NOXA1: variants seen among roughly 807,000 people sequenced by gnomAD.
The protein encoded by NOXA1 is NADPH oxidase activator 1, also known as NCF2-like protein.
In NOXA1, 56 loss-of-function variants were observed where a neutral mutation model predicts 64.8. The observed-to-expected ratio is 0.86, with a 90% CI of 0.70 to 1.08. The LOEUF (loss-of-function observed/expected upper bound fraction) is 1.08. Ranked by LOEUF, NOXA1 falls within the 50% of genes least tolerant of loss-of-function variation. The pLI, the probability that NOXA1 is intolerant of heterozygous loss-of-function variation, is 0.00. For missense variants in NOXA1, 668 were observed against 658.5 expected, an observed-to-expected ratio of 1.01 and a Z score of -0.16; for synonymous variants, 295 against 294.8, an observed-to-expected ratio of 1.00 and a Z score of -0.01.
intron 3 of NOXA1, 45 bp from the exon 4 acceptor site, chr9:137,428,836 TG>T: frequency 1.3e-6 from 2 of 1,514,676 alleles, no homozygotes; most frequent in Non-Finnish European, 1.8e-6. Context: ...GGAGAGGGCC[TG>T]GGTGGGGCAT....
Position 137,429,287 on chromosome 9 carries a change from A to G in NOXA1, c.516A>G (p.Ser172=). Residue 172 remains serine, a synonymous_variant, in exon 5 of 14, where the codon TCA becomes TCG. Transcript: ENST00000683555. The part of the protein sequence containing the change: ...SALDQVQRRG[S]LPPRQVPRGE... Reference sequence around the variant, plus strand: ...CCCACCCCCTCCAGAGACGGGGCTCACTGCCGCCACGGCAGGTCCCCAGGG... The same window carrying G: ...CCCACCCCCTCCAGAGACGGGGCTCGCTGCCGCCACGGCAGGTCCCCAGGG... 3 of 1,561,214 alleles carry G rather than the reference A, an allele frequency of 1.9e-6. No homozygotes were observed. Among genetic ancestry groups the G allele is most frequent in the Non-Finnish European group, 2.6e-6 (3 of 1,152,700 alleles).
At chr9:137,430,244 G>A (rs1010342562) in intron 5 of NOXA1, among the ~76,000 whole-genome samples, 1 of 152,176 alleles carries the variant, frequency 6.6e-6, no homozygotes, top group African/African-American at 2.4e-5. Context: ...TTGGGTCAGA[G>A]CCAGGCAACA....
chr9:137,433,155 A>G (rs1257750820), intron 9 of NOXA1, 50 bp from the exon 10 acceptor site: 3 of 1,609,002 alleles, frequency 1.9e-6, no homozygotes, highest in Non-Finnish European at 2.5e-6. Context: ...CTCCACCCAC[A>G]GGGCCCACTT....
chr9:137,433,114 G>C, intron 9 of NOXA1, 40 bp downstream of exon 9: 3 of 1,611,982 alleles, frequency 1.9e-6, no homozygotes, highest in Non-Finnish European at 2.5e-6. Context: ...GGGTGAAGGA[G>C]GAAGCTGCTG....
intron 1 of NOXA1, 44 bp from the exon 2 acceptor site, chr9:137,426,204 C>A: frequency 6.5e-7 from 1 of 1,543,632 alleles, no homozygotes; most frequent in Non-Finnish European, 9.0e-7. Flanking sequence ...TGCTGCGTGA[C>A]CAGGTTACAG....
chr9:137,425,342 G>T (rs1482625320), intron 1 of NOXA1, among the ~76,000 whole-genome samples: 1 of 152,170 alleles, frequency 6.6e-6, no homozygotes, highest in African/African-American at 2.4e-5. Flanking sequence ...GATTCTAATA[G>T]ATTTCTAGGG....
intron 5 of NOXA1, 25 bp downstream of exon 5, chr9:137,429,408 G>T: frequency 6.7e-7 from 1 of 1,491,824 alleles, no homozygotes; most frequent in Non-Finnish European, 9.1e-7. Context: ...GGCGTCCTGG[G>T]GCATGGCGGC....
Position 137,433,076 on chromosome 9 carries a change from T to A in NOXA1, c.850+2T>A. Reference sequence around the variant, plus strand: ...GCAAACAGGCTCCTCTCTCCCCAGGTATGGGCGTCCTCAGCGGCGGGGTCC... The same window carrying A: ...GCAAACAGGCTCCTCTCTCCCCAGGAATGGGCGTCCTCAGCGGCGGGGTCC... On this transcript the variant is annotated splice_donor_variant, in intron 9 of 13. Transcript: ENST00000683555. LOFTEE classifies it high-confidence loss of function. The A allele has an allele frequency of 6.2e-7, 1 of 1,612,790 alleles. No individual in the cohort carries two copies. The highest frequency in any genetic ancestry group is 1.1e-5 in the South Asian group (1 of 91,080).
chr9:137,425,789 C>T lies in NOXA1; in HGVS notation c.178-459C>T, dbSNP rs560096933. On this transcript the variant is annotated intron_variant, in intron 1 of 13. Transcript: ENST00000683555. ...CCTGAGGTCAGGAGTTTGAGAATGT[C>T]TTGAACCCAGAGGCGGAGGCAGCAG... Among the ~76,000 whole-genome samples the T allele has an allele frequency of 3.6e-4, 55 of 151,606 alleles. 1 individual carries two copies. The highest frequency in any genetic ancestry group is 1.3e-3 in the African/African-American group (54 of 41,276).
rs758321214 is a variant in NOXA1 at position 137,433,091 on chromosome 9, C to T, written c.850+17C>T. 29 of 1,612,602 alleles carry T rather than the reference C, an allele frequency of 1.8e-5. No individual in the cohort carries two copies. The highest frequency in any genetic ancestry group is 2.0e-5 in the Non-Finnish European group (24 of 1,179,830). On this transcript the variant is annotated intron_variant, in intron 9 of 13. Transcript: ENST00000683555. ...TCTCCCCAGGTATGGGCGTCCTCAGCGGCGGGGTCCCCGGGTGAAGGAGGA... is the reference window on the plus strand; with the variant it reads ...TCTCCCCAGGTATGGGCGTCCTCAGTGGCGGGGTCCCCGGGTGAAGGAGGA...
At chr9:137,430,468 G>C (rs993597410) in intron 5 of NOXA1, among the ~76,000 whole-genome samples, 1 of 152,250 alleles carries the variant, frequency 6.6e-6, no homozygotes, top group Non-Finnish European at 1.5e-5. Context: ...CAGCAGGGGA[G>C]GCCTGGGGTG....
intron 2 of NOXA1, among the ~76,000 whole-genome samples, chr9:137,426,784 A>T (rs1838862744): frequency 6.6e-6 from 1 of 152,210 alleles, no homozygotes; most frequent in Admixed American, 6.5e-5. Flanking sequence ...ATTCTGTAAA[A>T]GATATTTATT....
Position 137,431,169 on chromosome 9 carries a change from C to A in NOXA1, c.699-67C>A, listed in dbSNP as rs1452341165. ...CTGGGCAGAGGCCCTCCACATGGGG[C>A]CACGCGGGCCGGGCACAGGAGGGCA... is the stretch of plus-strand genomic sequence containing the variant. On this transcript the variant is annotated intron_variant, in intron 7 of 13. Transcript: ENST00000683555. The surrounding 1 kb of genome is among the most constrained non-coding windows in gnomAD (Gnocchi z 5.6). 8 of 1,609,700 alleles carry A rather than the reference C, an allele frequency of 5.0e-6. No individual in the cohort carries two copies. The highest frequency in any genetic ancestry group is 1.7e-4 in the Middle Eastern group (1 of 6,060).
intron 6 of NOXA1, 92 bp from the exon 7 acceptor site, chr9:137,430,983 A>G: frequency 6.3e-7 from 1 of 1,599,484 alleles, no homozygotes; most frequent in Non-Finnish European, 8.5e-7. Context: ...ATCCCTGTGT[A>G]AGACCTGGGG....
chr9:137,423,768 C>A, intron 1 of NOXA1, 62 bp downstream of exon 1: 1 of 1,162,844 alleles, frequency 8.6e-7, no homozygotes, highest in Non-Finnish European at 1.1e-6. Context: ...CTGGGGAGGG[C>A]CCAGCGCCCC....
Position 137,428,084 on chromosome 9 carries a change from C to T in NOXA1, c.312C>T (p.Gly104=), listed in dbSNP as rs1838915560. The change falls in exon 3 of 14, where the codon GGC becomes GGT. Residue 104 remains glycine, a synonymous_variant. Transcript: ENST00000683555. ...DFWLALEQLR[G]HAAIDYTQLG... is the part of the protein sequence containing the mutation. The stretch of plus-strand genomic sequence containing the variant: ...GGCTGGCCCTGGAGCAGCTGAGGGG[C>T]CACGCTGCCATCGACTACACGCAGC... 6.3e-7 allele frequency: 1 copy of T among 1,587,626 alleles called. No homozygotes were observed. Among genetic ancestry groups the T allele is most frequent in the Non-Finnish European group, 8.6e-7 (1 of 1,168,626 alleles).
At position 137,433,614 on chromosome 9, in the gene NOXA1, C is replaced by T. The variant is rs1839219378; in HGVS notation, c.1064+7C>T. On this transcript the variant is annotated splice_region_variant and intron_variant, in intron 11 of 13. Transcript: ENST00000683555. ...CCCAGCTTGGGCAACTCAGGTGGGC[C>T]AGAAAGCCCCCGGTGGCTGCGGTGG... The T allele has an allele frequency of 6.5e-7, 1 of 1,542,392 alleles. No individual in the cohort carries two copies. Among genetic ancestry groups the T allele is most frequent in the African/African-American group, 1.4e-5 (1 of 73,116 alleles).
intron 6 of NOXA1, 71 bp downstream of exon 6, chr9:137,430,914 C>T: frequency 6.5e-7 from 1 of 1,549,736 alleles, no homozygotes; most frequent in Non-Finnish European, 8.7e-7. Context: ...GCTGCACAAG[C>T]TCTGAGCCCT....
chr9:137,429,143 G>A, intron 4 of NOXA1, 127 bp downstream of exon 4: 5 of 1,378,372 alleles, frequency 3.6e-6, no homozygotes, highest in East Asian at 2.6e-5. Context: ...GTGCCAGGCG[G>A]GGGCTTCCTG....
Sources: allele counts gnomAD v4.1 joint callset (sites outside exome capture counted in the v4.1 genomes callset), GRCh38; gene constraint gnomAD v4.1.1; non-coding constraint Gnocchi (gnomAD v3.1); transcripts MANE v1.5; gene names NCBI Gene and HGNC (gene_info 2026-07-23, HGNC 2026-07-21).